The following NUP214 variants were observed in gnomAD, a reference collection of about 807,000 sequenced individuals.
The protein encoded by NUP214 is nucleoporin 214.
NUP214 carries 79 observed loss-of-function variants against 196.2 expected under a neutral mutation model. That is an observed-to-expected ratio of 0.40 (90% confidence interval 0.34 to 0.49). The LOEUF is 0.49. Ranked by LOEUF, NUP214 falls within the 20% of genes least tolerant of loss-of-function variation. NUP214 has a pLI of 0.58. For synonymous variants in NUP214, 1,020 were observed against 990.5 expected, an observed-to-expected ratio of 1.03 and a Z score of -0.56; for missense variants, 2,468 against 2,539.0, an observed-to-expected ratio of 0.97 and a Z score of 0.60.
Position 131,209,639 on chromosome 9 carries a change from C to T in NUP214, c.5593-5573C>T, listed in dbSNP as rs377064987. Among the ~76,000 whole-genome samples the T allele has an allele frequency of 6.0e-4, 92 of 152,296 alleles. 3 individuals carry two copies. The South Asian group carries it at 0.018, about 30-fold the overall frequency. On this transcript the variant is annotated intron_variant, in intron 30 of 35. Coordinates refer to ENST00000359428, the MANE Select transcript of NUP214 (RefSeq NM_005085.4). Reference sequence around the variant, plus strand: ...GAACTCCTCACCTTAGGTGATCTGCCTGCCTCGGCCTCCCAAAGTGCTGGG... The same window carrying T: ...GAACTCCTCACCTTAGGTGATCTGCTTGCCTCGGCCTCCCAAAGTGCTGGG...
chr9:131,221,135 C>T (rs1834543477), intron 31 of NUP214, among the ~76,000 whole-genome samples: 1 of 152,202 alleles, frequency 6.6e-6, no homozygotes, highest in Non-Finnish European at 1.5e-5. Flanking sequence ...TCAGACGTAA[C>T]TTTGGGCTAG....
At chr9:131,192,000 C>T (rs1373599332) in intron 26 of NUP214, 1 of 431,304 alleles carries the variant, frequency 2.3e-6, no homozygotes, top group South Asian at 5.0e-5. Context: ...TTAACATTGA[C>T]AGAGCCACGG....
rs375059955 is a variant in NUP214 at position 131,233,682 on chromosome 9, A to G, written c.*195A>G. Reference sequence around the variant, plus strand: ...TTCATGTTGGGTTTTCCCTCCCACTATTAAACAGTCTGTTTCCGTACAGAA... The same window carrying G: ...TTCATGTTGGGTTTTCCCTCCCACTGTTAAACAGTCTGTTTCCGTACAGAA... On this transcript the variant is annotated 3_prime_UTR_variant, in exon 36 of 36. Transcript: ENST00000359428. 6.5e-4 allele frequency: 437 copies of G among 668,038 alleles called. 6 individuals carry two copies. In the South Asian group the frequency reaches 6.6e-3, roughly 10 times the overall value. The allele number at this position is 668,038 out of a possible 1,614,324, so 41.4% of individuals were successfully genotyped here.
At chr9:131,179,849 T>C (rs1289507275) in intron 24 of NUP214, among the ~76,000 whole-genome samples, 1 of 152,204 alleles carries the variant, frequency 6.6e-6, no homozygotes, top group Non-Finnish European at 1.5e-5. Context: ...AGATGGTATT[T>C]GTGGTTGTTG....
Position 131,162,910 on chromosome 9 carries a change from G to A in NUP214, c.2541-81G>A. ...TTTTATCATTTTCACTGTTACCATT[G>A]TAGTCTTGTTTGTTTTTTTACTGGG... On this transcript the variant is annotated intron_variant, in intron 18 of 35. Transcript: ENST00000359428. 2.3e-6 allele frequency: 3 copies of A among 1,298,664 alleles called. No homozygotes were observed. In the South Asian group the frequency reaches 3.7e-5, roughly 16 times the overall value. The allele number at this position is 1,298,664 out of a possible 1,614,324, so 80.4% of individuals were successfully genotyped here. A position where few individuals can be genotyped will look rare whatever the true frequency, so the allele number is the denominator to read the frequency against.
intron 27 of NUP214, among the ~76,000 whole-genome samples, chr9:131,193,652 T>TTTTTTTTTTTTTTTTTTTTG (rs1833686623): frequency 8.7e-6 from 1 of 115,238 alleles, no homozygotes; most frequent in Non-Finnish European, 1.8e-5. Flanking sequence ...TTTTTTTTTT[T>TTTTTTTTTTTTTTTTTTTTG]TTTTTTTTTT....
At chr9:131,219,297 T>C (rs925075727) in intron 31 of NUP214, among the ~76,000 whole-genome samples, 1 of 152,230 alleles carries the variant, frequency 6.6e-6, no homozygotes, top group African/African-American at 2.4e-5. Context: ...TCCCGAGCTC[T>C]GATTGGCCTT....
chr9:131,207,804 A>G (rs1834125497), intron 30 of NUP214, among the ~76,000 whole-genome samples: 1 of 152,246 alleles, frequency 6.6e-6, no homozygotes, highest in Admixed American at 6.5e-5. Flanking sequence ...AGGTGTGAGC[A>G]CTGTGGCACA....
intron 30 of NUP214, among the ~76,000 whole-genome samples, chr9:131,206,697 C>T (rs959367078): frequency 6.6e-6 from 1 of 152,146 alleles, no homozygotes; most frequent in African/African-American, 2.4e-5. Flanking sequence ...CCACCTGGAC[C>T]TCCCAAAGTG....
intron 22 of NUP214, among the ~76,000 whole-genome samples, chr9:131,175,118 C>T (rs1833078224): frequency 6.6e-6 from 1 of 152,136 alleles, no homozygotes; most frequent in African/African-American, 2.4e-5. Flanking sequence ...AGTGTCAGGG[C>T]TTTGCATCAA....
chr9:131,154,947 G>A (rs1832392327), intron 17 of NUP214, among the ~76,000 whole-genome samples: 1 of 152,226 alleles, frequency 6.6e-6, no homozygotes, highest in Non-Finnish European at 1.5e-5. Context: ...TTGTGCTGCT[G>A]TAAACATGCG....
At chr9:131,171,111 T>A (rs1832945130) in intron 21 of NUP214, among the ~76,000 whole-genome samples, 2 of 152,182 alleles carry the variant, frequency 1.3e-5, no homozygotes, top group Admixed American at 1.3e-4. Context: ...GCATCCTTGA[T>A]CACAGCAGAG....
rs1564195206 is a variant in NUP214 at position 131,174,331 on chromosome 9, T to C, written c.3157+13T>C. On this transcript the variant is annotated intron_variant, in intron 22 of 35. Transcript: ENST00000359428. ...ATGGGAACTTCAGGTAAGTAAACAGTGGGAAAGGAAACTGTTTTTCCCTAT... is the reference window on the plus strand; with the variant it reads ...ATGGGAACTTCAGGTAAGTAAACAGCGGGAAAGGAAACTGTTTTTCCCTAT... 1 of 1,601,816 alleles carries C rather than the reference T, an allele frequency of 6.2e-7. No individual in the cohort carries two copies. The highest frequency in any genetic ancestry group is 8.5e-7 in the Non-Finnish European group (1 of 1,176,942).
intron 17 of NUP214, among the ~76,000 whole-genome samples, chr9:131,152,240 A>G (rs1010610562): frequency 2.6e-5 from 4 of 152,030 alleles, no homozygotes; most frequent in African/African-American, 9.7e-5. Context: ...CAGCCTCCTG[A>G]GTAGCCAGGA....
At chr9:131,181,914 G>A (rs1051382039) in intron 24 of NUP214, among the ~76,000 whole-genome samples, 1 of 152,152 alleles carries the variant, frequency 6.6e-6, no homozygotes, top group Non-Finnish European at 1.5e-5. Flanking sequence ...TTACACCGAT[G>A]TTTTCTTTGA....
At chr9:131,128,543 G>T in intron 3 of NUP214, 60 bp downstream of exon 3, 2 of 1,431,704 alleles carry the variant, frequency 1.4e-6, no homozygotes, top group Non-Finnish European at 1.9e-6. Flanking sequence ...TCCTTGTATT[G>T]AATTACAACT....
intron 9 of NUP214, chr9:131,136,826 T>G (rs1005233968): frequency 6.6e-6 from 1 of 152,240 alleles, no homozygotes; most frequent in African/African-American, 2.4e-5. Context: ...AGAATGACTG[T>G]AGAGAGGGCA....
chr9:131,212,548 CT>C (rs1335705382), intron 30 of NUP214, among the ~76,000 whole-genome samples: 2 of 152,110 alleles, frequency 1.3e-5, no homozygotes, highest in African/African-American at 4.8e-5. Flanking sequence ...CTGGCCGACA[CT>C]TAGGGAAAAT....
chr9:131,205,839 C>T (rs1588166635), intron 30 of NUP214, among the ~76,000 whole-genome samples: 3 of 152,072 alleles, frequency 2.0e-5, no homozygotes, highest in African/African-American at 7.2e-5. Flanking sequence ...CCCACCACCA[C>T]GCCCAGCTAA....
Sources: allele counts gnomAD v4.1 joint callset (sites outside exome capture counted in the v4.1 genomes callset), GRCh38; gene constraint gnomAD v4.1.1; transcripts MANE v1.5; gene names NCBI Gene and HGNC (gene_info 2026-07-23, HGNC 2026-07-21).